The following AP4S1 variants were observed in gnomAD, a reference collection of about 807,000 sequenced individuals.
AP4S1 encodes the protein adaptor related protein complex 4 subunit sigma 1.
AP4S1 carries 23 observed loss-of-function variants against 19.8 expected under a neutral mutation model. That is an observed-to-expected ratio of 1.16 (90% confidence interval 0.84 to 1.65). The LOEUF (loss-of-function observed/expected upper bound fraction) is 1.65, where lower values mean the gene tolerates loss of function less well. Among genes scored for constraint, AP4S1 ranks in the 40% most tolerant of loss-of-function variants. The pLI is 0.00. For missense variants in AP4S1, 166 were observed against 172.8 expected, an observed-to-expected ratio of 0.96 and a Z score of 0.22; for synonymous variants, 46 against 54.1, an observed-to-expected ratio of 0.85 and a Z score of 0.66.
intron 5 of AP4S1, among the ~76,000 whole-genome samples, chr14:31,092,176 A>G (rs928547164): frequency 1.3e-5 from 2 of 152,222 alleles, no homozygotes; most frequent in African/African-American, 4.8e-5. Context: ...TACTGTCTTG[A>G]AATCCAGAAA....
chr14:31,063,115 G>A (rs1430197261), intron 1 of AP4S1, among the ~76,000 whole-genome samples: 1 of 151,906 alleles, frequency 6.6e-6, no homozygotes, highest in Non-Finnish European at 1.5e-5. Context: ...GAGCAAAATA[G>A]TGAGACCCCC....
chr14:31,073,996 A>T (rs1887205025), intron 4 of AP4S1, among the ~76,000 whole-genome samples: 1 of 152,048 alleles, frequency 6.6e-6, no homozygotes, highest in South Asian at 2.1e-4. Flanking sequence ...TAATAGCTAT[A>T]TTGAAATATA....
chr14:31,044,527 T>A lies in AP4S1; in HGVS notation c.-72+18740T>A, dbSNP rs180880944. ...AGGCTAATTTTTTTTTTCTTTTTTT[T>A]AATAGAGACAGGGTCTTGCTATGTT... On this transcript the variant is annotated intron_variant, in intron 1 of 5. Coordinates refer to ENST00000542754, the MANE Select transcript of AP4S1 (RefSeq NM_001128126.3). Among the ~76,000 whole-genome samples, 827 of 151,902 alleles carry A rather than the reference T, an allele frequency of 5.4e-3. 6 individuals carry two copies. The highest frequency in any genetic ancestry group is 0.019 in the African/African-American group (788 of 41,418).
intron 1 of AP4S1, among the ~76,000 whole-genome samples, chr14:31,035,516 C>T (rs937245124): frequency 1.3e-5 from 2 of 151,456 alleles, no homozygotes; most frequent in African/African-American, 2.4e-5. Flanking sequence ...CAATCTAATC[C>T]TCAGTCCATA....
chr14:31,046,714 T>G (rs1275490851), intron 1 of AP4S1, among the ~76,000 whole-genome samples: 1 of 151,834 alleles, frequency 6.6e-6, no homozygotes, highest in Non-Finnish European at 1.5e-5. Flanking sequence ...GGCATGGTGG[T>G]GGGCACCTGT....
At chr14:31,066,687 G>A (rs992632405) in intron 2 of AP4S1, among the ~76,000 whole-genome samples, 3 of 152,072 alleles carry the variant, frequency 2.0e-5, no homozygotes, top group African/African-American at 7.2e-5. Flanking sequence ...GCCTGTATCA[G>A]GTAGCTTTCT....
rs1159413014 is a variant in AP4S1, at chr14:31,073,461, G to A, written c.294+488G>A. Among the ~76,000 whole-genome samples the A allele has an allele frequency of 4.1e-5, 6 of 146,272 alleles. No homozygotes were observed. The East Asian group carries it at 1.2e-3, about 30-fold the overall frequency. On this transcript the variant is annotated intron_variant, in intron 4 of 5. Transcript: ENST00000542754. ...GCCGAGATCCCGCCACTGCACTCCA[G>A]CCTGGGCAACAGAGCGAGACTCCGT...
intron 5 of AP4S1, 78 bp from the exon 6 acceptor site, chr14:31,092,829 A>C: frequency 9.1e-7 from 1 of 1,095,598 alleles, no homozygotes. Context: ...CACTGGGAAC[A>C]CTCTAGGTTA....
At chr14:31,089,936 A>G (rs1888031805) in intron 5 of AP4S1, among the ~76,000 whole-genome samples, 1 of 152,214 alleles carries the variant, frequency 6.6e-6, no homozygotes, top group South Asian at 2.1e-4. Context: ...ATAAAATTCC[A>G]ATGTTGGGAC....
At chr14:31,045,339 C>T (rs746149368) in intron 1 of AP4S1, among the ~76,000 whole-genome samples, 19 of 152,122 alleles carry the variant, frequency 1.2e-4, no homozygotes, top group Non-Finnish European at 2.6e-4. Flanking sequence ...ATGGTAATCC[C>T]CATAATCCCC....
chr14:31,087,170 G>A (rs1887943419), intron 5 of AP4S1, among the ~76,000 whole-genome samples: 1 of 152,094 alleles, frequency 6.6e-6, no homozygotes, highest in South Asian at 2.1e-4. Flanking sequence ...CCATAGGGCT[G>A]GGTGAGTCAC....
At chr14:31,048,452 C>T (rs1051067322) in intron 1 of AP4S1, among the ~76,000 whole-genome samples, 7 of 152,112 alleles carry the variant, frequency 4.6e-5, no homozygotes, top group Non-Finnish European at 7.4e-5. Context: ...GCCAGGACCA[C>T]GCACAGTGAC....
In AP4S1 at chr14:31,094,713, A is replaced by T. The variant is rs1240632240; in HGVS notation, c.*1678A>T. ...AGACCAGCCTGGGCAACACAGCAAG[A>T]CCATATCTCTACAAAAAATAAATAG... On this transcript the variant is annotated 3_prime_UTR_variant, in exon 6 of 6. Transcript: ENST00000542754. 6.6e-6 allele frequency: 1 copy of T among 152,408 alleles called. No individual in the cohort carries two copies. Among genetic ancestry groups the T allele is most frequent in the Admixed American group, 6.5e-5 (1 of 15,272 alleles). The allele number at this position is 152,408 out of a possible 1,614,324, so 9.4% of individuals were successfully genotyped here. A position where few individuals can be genotyped will look rare whatever the true frequency, so the allele number is the denominator to read the frequency against.
At chr14:31,051,712 G>T (rs1451683804) in intron 1 of AP4S1, among the ~76,000 whole-genome samples, 4 of 152,134 alleles carry the variant, frequency 2.6e-5, no homozygotes, top group Non-Finnish European at 5.9e-5. Flanking sequence ...ACAGGCTGGA[G>T]TGCAGTGGTG....
At chr14:31,077,058 T>G (rs1887398189) in intron 4 of AP4S1, among the ~76,000 whole-genome samples, 1 of 152,132 alleles carries the variant, frequency 6.6e-6, no homozygotes. Context: ...GCCCCCCAAG[T>G]AGCTGGGATT....
At chr14:31,048,818 T>G (rs1246421985) in intron 1 of AP4S1, among the ~76,000 whole-genome samples, 1 of 152,186 alleles carries the variant, frequency 6.6e-6, no homozygotes, top group Admixed American at 6.6e-5. Flanking sequence ...GAGAACATTT[T>G]CAACTTTGGG....
At position 31,074,324 on chromosome 14, in the gene AP4S1, CAAATAAAT is replaced by C. The variant is rs138770796; in HGVS notation, c.294+1387_294+1394del. 3.3e-3 allele frequency among the ~76,000 whole-genome samples: 466 copies of C among 139,124 alleles called. 2 individuals are homozygous for C. Among genetic ancestry groups the C allele is most frequent in the East Asian group, 8.9e-3 (41 of 4,610 alleles). The allele number at this position is 139,124 out of a possible 152,430, so 91.3% of individuals were successfully genotyped here. A position where few individuals can be genotyped will look rare whatever the true frequency, so the allele number is the denominator to read the frequency against. On this transcript the variant is annotated intron_variant, in intron 4 of 5. Transcript: ENST00000542754. ...TTAGTGACAGGGCGAGACTCCGTCT[CAAATAAAT>C]AAATAAATAAATAAATAAATAAATA...
chr14:31,035,781 G>A (rs915504330), intron 1 of AP4S1, among the ~76,000 whole-genome samples: 2 of 151,378 alleles, frequency 1.3e-5, no homozygotes, highest in East Asian at 3.9e-4. Flanking sequence ...CCAGGCTGGA[G>A]TGCAGTGGTG....
chr14:31,049,427 AAATATATATATATATATATATATAT>A (rs1170116757), intron 1 of AP4S1, among the ~76,000 whole-genome samples: 1 of 32,994 alleles, frequency 3.0e-5, no homozygotes, highest in African/African-American at 1.6e-4. Flanking sequence ...AAAAAAAAAA[AAATATATATATATATATATATATAT>A]ATATATATAT....
Sources: gnomAD v4.1 joint callset for allele counts (sites outside exome capture counted in the v4.1 genomes callset) on GRCh38, gnomAD v4.1.1 for gene constraint, MANE v1.5 for transcripts, NCBI Gene and HGNC (gene_info 2026-07-23, HGNC 2026-07-21) for gene names.